MACO1: variants seen among roughly 807,000 people sequenced by gnomAD.
MACO1 encodes macoilin.
Under a neutral mutation model 78.7 loss-of-function variants are expected in MACO1, and 14 were observed. The observed-to-expected ratio is 0.18, with a 90% CI of 0.12 to 0.28. MACO1 has a LOEUF of 0.28. Ranked by LOEUF, MACO1 falls within the 10% of genes least tolerant of loss-of-function variation. The pLI is 1.00. For missense variants in MACO1, 501 were observed against 799.0 expected, an observed-to-expected ratio of 0.63 and a Z score of 4.50; for synonymous variants, 288 against 291.6, an observed-to-expected ratio of 0.99 and a Z score of 0.12.
In MACO1 at chr1:25,431,155, G is replaced by T; in HGVS notation, c.57G>T (p.Arg19=). 1.3e-6 allele frequency: 2 copies of T among 1,598,806 alleles called. No homozygotes were observed. ...TCCGCCGCCCCCTAAAGCGGAACCG[G>T]ATCACCGAGGGCATTTACGGCAGGT... ...SKLRRPLKRN[R]ITEGIYGSTF... Residue 19 remains arginine (R), a synonymous_variant, in exon 1 of 11, where the codon CGG becomes CGT. Coordinates refer to ENST00000374343, the MANE Select transcript of MACO1 (RefSeq NM_018202.6).
intron 6 of MACO1, among the ~76,000 whole-genome samples, chr1:25,476,452 A>G (rs1388261571): frequency 6.6e-6 from 1 of 152,238 alleles, no homozygotes; most frequent in Non-Finnish European, 1.5e-5. Context: ...TATACCTGCT[A>G]CACTGAAGCA....
At chr1:25,494,049 G>T (rs191223553) in intron 10 of MACO1, among the ~76,000 whole-genome samples, 1 of 152,192 alleles carries the variant, frequency 6.6e-6, no homozygotes, top group East Asian at 1.9e-4. Flanking sequence ...TCTTATCTCT[G>T]TTTCTACATT....
At chr1:25,457,433 T>C (rs2043131464) in intron 5 of MACO1, among the ~76,000 whole-genome samples, 1 of 152,130 alleles carries the variant, frequency 6.6e-6, no homozygotes, top group Admixed American at 6.5e-5. Context: ...TTTTAAAATA[T>C]ATATTCTCAG....
intron 10 of MACO1, among the ~76,000 whole-genome samples, chr1:25,498,039 A>G (rs979504367): frequency 3.3e-5 from 5 of 152,182 alleles, no homozygotes; most frequent in African/African-American, 7.2e-5. Flanking sequence ...ACATTTTTCC[A>G]TGGCTGGGAA....
chr1:25,455,877 T>C (rs1388296002), intron 4 of MACO1, among the ~76,000 whole-genome samples: 1 of 152,182 alleles, frequency 6.6e-6, no homozygotes, highest in Non-Finnish European at 1.5e-5. Context: ...CCTTCTAGTA[T>C]TGAAAATCAA....
At chr1:25,458,961 T>C (rs1487130506) in intron 6 of MACO1, 69 bp downstream of exon 6, 2 of 1,524,162 alleles carry the variant, frequency 1.3e-6, no homozygotes, top group Non-Finnish European at 8.8e-7. Flanking sequence ...CATACTCCCA[T>C]ATGGGCCTGT....
chr1:25,453,633 A>T (rs2043087935), intron 3 of MACO1, among the ~76,000 whole-genome samples: 1 of 144,502 alleles, frequency 6.9e-6, no homozygotes, highest in Non-Finnish European at 1.5e-5. Context: ...ACTGCACTCC[A>T]GCCTGGGCGA....
chr1:25,475,435 A>T (rs534802778), intron 6 of MACO1, among the ~76,000 whole-genome samples: 46 of 149,942 alleles, frequency 3.1e-4, no homozygotes, highest in Non-Finnish European at 6.1e-4. Context: ...ATGTTGGCTG[A>T]GCATGGTGGC....
rs2042855366 is a variant in MACO1 at position 25,430,900 on chromosome 1, A to G, written c.-199A>G. The G allele has an allele frequency of 4.4e-6, 2 of 458,060 alleles. No homozygotes were observed. The highest frequency in any genetic ancestry group is 3.9e-5 in the East Asian group (1 of 25,334). 28.4% of individuals were successfully genotyped at this position (458,060 alleles called of 1,614,324 possible). On this transcript the variant is annotated 5_prime_UTR_variant, in exon 1 of 11. Transcript: ENST00000374343. ...TGGGCGGGCGGGCCCCGGAATTGTC[A>G]TTTCTTTGTTTCCGAAGGCGGAGGA... is the stretch of plus-strand genomic sequence containing the variant.
At chr1:25,495,778 A>G (rs1358059819) in intron 10 of MACO1, among the ~76,000 whole-genome samples, 1 of 152,188 alleles carries the variant, frequency 6.6e-6, no homozygotes, top group Non-Finnish European at 1.5e-5. Flanking sequence ...CCTGGCCAAC[A>G]TAGTGAAACC....
Position 25,499,448 on chromosome 1 carries a change from T to G in MACO1, c.*982T>G, listed in dbSNP as rs949660529. The G allele has an allele frequency of 2.8e-4, 43 of 152,032 alleles. No homozygotes were observed. Among genetic ancestry groups the G allele is most frequent in the African/African-American group, 9.6e-4 (40 of 41,476 alleles). The allele number at this position is 152,032 out of a possible 1,614,324, so 9.4% of individuals were successfully genotyped here. A position where few individuals can be genotyped will look rare whatever the true frequency, so the allele number is the denominator to read the frequency against. ...AAAAGCTGCGGGTCTAGGTTTTTTT[T>G]TTTTTGTTTTGTTTTTTCATTTCAT... On this transcript the variant is annotated 3_prime_UTR_variant, in exon 11 of 11. Coordinates refer to ENST00000374343, the MANE Select transcript of MACO1 (RefSeq NM_018202.6).
intron 1 of MACO1, among the ~76,000 whole-genome samples, chr1:25,434,462 T>C (rs1423691944): frequency 6.6e-6 from 1 of 152,234 alleles, no homozygotes; most frequent in Non-Finnish European, 1.5e-5. Context: ...GCTCATTGTC[T>C]TCAAGGAGTT....
intron 1 of MACO1, among the ~76,000 whole-genome samples, chr1:25,440,803 TA>T (rs2042965663): frequency 6.6e-6 from 1 of 151,134 alleles, no homozygotes; most frequent in African/African-American, 2.4e-5. Flanking sequence ...AACAATAAAT[TA>T]ATAAATTCAT....
intron 6 of MACO1, among the ~76,000 whole-genome samples, chr1:25,474,884 G>A (rs952255123): frequency 6.6e-6 from 1 of 152,208 alleles, no homozygotes; most frequent in East Asian, 1.9e-4. Flanking sequence ...TCTCAAGTCA[G>A]AGCAGTGCCT....
Position 25,448,888 on chromosome 1 carries a change from T to C in MACO1, c.303T>C (p.Phe101=). The C allele has an allele frequency of 6.4e-7, 1 of 1,552,258 alleles. No individual in the cohort carries two copies. Among genetic ancestry groups the C allele is most frequent in the Non-Finnish European group, 8.8e-7 (1 of 1,137,448 alleles). ...TGTTCATCCCCATACAGTGGCTTTT[T>C]TTTGCTGCTAGCACATATGTATGGG... ...CLLFIPIQWL[F]FAASTYVWVQ... is the part of the protein sequence containing the mutation. The change falls in exon 3 of 11, where the codon TTT becomes TTC. Residue 101 remains phenylalanine (F), a synonymous_variant. Transcript: ENST00000374343.
chr1:25,443,756 G>C (rs1176106164), intron 1 of MACO1, among the ~76,000 whole-genome samples: 1 of 152,174 alleles, frequency 6.6e-6, no homozygotes, highest in Non-Finnish European at 1.5e-5. Flanking sequence ...GTCTGACTGG[G>C]ATCCTGCCAT....
At chr1:25,472,854 C>T (rs1410535482) in intron 6 of MACO1, among the ~76,000 whole-genome samples, 3 of 152,142 alleles carry the variant, frequency 2.0e-5, no homozygotes, top group South Asian at 4.2e-4. Flanking sequence ...AATAATTTTT[C>T]GGAACAGCAT....
chr1:25,474,998 T>C (rs1389009654), intron 6 of MACO1, among the ~76,000 whole-genome samples: 1 of 152,172 alleles, frequency 6.6e-6, no homozygotes, highest in Non-Finnish European at 1.5e-5. Context: ...TTAGAAAAAC[T>C]ATTATTTTGA....
At chr1:25,490,098 C>T (rs2043471509) in intron 9 of MACO1, among the ~76,000 whole-genome samples, 1 of 152,096 alleles carries the variant, frequency 6.6e-6, no homozygotes, top group Non-Finnish European at 1.5e-5. Flanking sequence ...TGGAAATATA[C>T]TTGACCTTGA....
Sources: allele counts gnomAD v4.1 joint callset (sites outside exome capture counted in the v4.1 genomes callset), GRCh38; gene constraint gnomAD v4.1.1; transcripts MANE v1.5; gene names NCBI Gene and HGNC (gene_info 2026-07-23, HGNC 2026-07-21).